Variants in DNAH17 observed in about 807,000 individuals in gnomAD.
DNAH17 encodes the protein axonemal beta dynein heavy chain 17.
Under a neutral mutation model 485.6 loss-of-function variants are expected in DNAH17, and 376 were observed. The observed-to-expected ratio is 0.77, with a 90% CI of 0.71 to 0.84. The LOEUF is 0.84. DNAH17 is among the 40% of genes least tolerant of loss of function. The pLI, the probability that DNAH17 is intolerant of heterozygous loss-of-function variation, is 0.00. For synonymous variants in DNAH17, 3,031 were observed against 2,405.9 expected (o/e 1.26, Z -7.60); for missense variants, 6,370 against 5,839.3 (o/e 1.09, Z -2.96).
chr17:78,563,280 G>A (rs912566236), intron 11 of DNAH17, among the ~76,000 whole-genome samples: 36 of 152,286 alleles, frequency 2.4e-4, no homozygotes, highest in African/African-American at 8.7e-4. Context: ...AGCAGCCGTG[G>A]ACTCTCAGGC....
chr17:78,478,014 T>C lies in DNAH17; in HGVS notation c.7992+1011A>G, dbSNP rs867275163. ...ATCACCACCACCATCATCACCATCA[T>C]CACCATCACCACCACCATCACACCA... On this transcript the variant is annotated intron_variant, in intron 51 of 80. Coordinates refer to ENST00000389840, the MANE Select transcript of DNAH17 (RefSeq NM_173628.4). 3.2e-3 allele frequency among the ~76,000 whole-genome samples: 367 copies of C among 115,928 alleles called. 6 individuals carry two copies. The highest frequency in any genetic ancestry group is 0.011 in the African/African-American group (327 of 28,904). 76.1% of individuals were successfully genotyped at this position (115,928 alleles called of 152,430 possible).
In DNAH17 at chr17:78,490,710, C is replaced by T. The variant is rs1467422216; in HGVS notation, c.6807G>A (p.Leu2269=). The T allele has an allele frequency of 6.2e-7, 1 of 1,607,634 alleles. No individual in the cohort carries two copies. Among genetic ancestry groups the T allele is most frequent in the Non-Finnish European group, 8.5e-7 (1 of 1,176,738 alleles). Reference sequence around the variant, plus strand: ...AAAGCCCCACTCACGGGTTCCATCCCAGGTCGGCTGGGTTGATGTAGAGGA... The same window carrying T: ...AAAGCCCCACTCACGGGTTCCATCCTAGGTCGGCTGGGTTGATGTAGAGGA... ...AGILYINPAD[L]GWNPVVSSWI... The change falls in exon 44 of 81, where the codon CTG becomes CTA. Residue 2269 remains leucine, a synonymous_variant. Transcript: ENST00000389840.
At chr17:78,543,811 C>A (rs915774209) in intron 17 of DNAH17, 46 bp downstream of exon 17, 1 of 1,613,648 alleles carries the variant, frequency 6.2e-7, no homozygotes, top group African/African-American at 1.3e-5. Context: ...CTCCTCCCTG[C>A]TAAAAGCAAG....
At chr17:78,510,277 G>C (rs899740495) in intron 27 of DNAH17, 107 bp downstream of exon 27, 45 of 1,515,530 alleles carry the variant, frequency 3.0e-5, no homozygotes, top group Non-Finnish European at 4.0e-5. Context: ...CAGACTTCCC[G>C]TGAGAGCCTT....
rs182109757 is a variant in DNAH17 at position 78,533,895 on chromosome 17, A to G, written c.2860-1159T>C. On this transcript the variant is annotated intron_variant, in intron 19 of 80. Coordinates refer to ENST00000389840, the MANE Select transcript of DNAH17 (RefSeq NM_173628.4). ...GAGGCGGGGTTTCACCGTGTTGGTC[A>G]GGCTGGTCTCAAACTCCTGACCTCA... Among the ~76,000 whole-genome samples the G allele has an allele frequency of 8.7e-4, 132 of 152,272 alleles. 1 individual carries two copies. Among genetic ancestry groups the G allele is most frequent in the African/African-American group, 3.0e-3 (124 of 41,546 alleles).
At chr17:78,466,626 C>G (rs547563192) in intron 56 of DNAH17, 29 bp downstream of exon 56, 2 of 1,585,884 alleles carry the variant, frequency 1.3e-6, no homozygotes, top group Non-Finnish European at 1.7e-6. Flanking sequence ...GGGCTCTACA[C>G]TCAGGCAGAG....
chr17:78,533,428 A>C (rs963595261), intron 19 of DNAH17, among the ~76,000 whole-genome samples: 3 of 152,146 alleles, frequency 2.0e-5, no homozygotes, highest in Non-Finnish European at 4.4e-5. Context: ...GGCAACAGCA[A>C]AGCACGTGCA....
At chr17:78,574,191 T>A (rs2092400970) in intron 2 of DNAH17, among the ~76,000 whole-genome samples, 1 of 152,154 alleles carries the variant, frequency 6.6e-6, no homozygotes, top group Non-Finnish European at 1.5e-5. Context: ...GGAGGTCTTG[T>A]TAGACAGCAG....
chr17:78,532,054 T>G (rs570904307), intron 20 of DNAH17, among the ~76,000 whole-genome samples: 5 of 152,310 alleles, frequency 3.3e-5, no homozygotes, highest in Admixed American at 2.0e-4. Context: ...GGGTTTTACC[T>G]TCTGGGCTGC....
In DNAH17 at chr17:78,426,603, A is replaced by G. The variant is rs1158426177; in HGVS notation, c.12772-3T>C. The G allele has an allele frequency of 6.2e-7, 1 of 1,601,478 alleles. No individual in the cohort carries two copies. The highest frequency in any genetic ancestry group is 8.5e-7 in the Non-Finnish European group (1 of 1,172,706). ...TCGGTCGTGATGGTCAGTTCTCCCT[A>G]GGAGACACACAGATGGGTGTGGGGA... On this transcript the variant is annotated splice_polypyrimidine_tract_variant and splice_region_variant and intron_variant, in intron 78 of 80. Transcript: ENST00000389840.
chr17:78,541,931 G>A (rs922131680), intron 17 of DNAH17, among the ~76,000 whole-genome samples: 1 of 152,068 alleles, frequency 6.6e-6, no homozygotes, highest in Non-Finnish European at 1.5e-5. Context: ...TGGGAACTGG[G>A]AATGAGGCAC....
Position 78,428,289 on chromosome 17 carries a change from A to G in DNAH17, c.12588+236T>C, listed in dbSNP as rs527452663. 4.7e-4 allele frequency: 270 copies of G among 574,286 alleles called. 2 individuals are homozygous for G. Among genetic ancestry groups the G allele is most frequent in the African/African-American group, 4.5e-3 (241 of 53,596 alleles). 35.6% of individuals were successfully genotyped at this position (574,286 alleles called of 1,614,324 possible). ...TCTTGGAGCCGCATCCACACCCCCA[A>G]GGATCCCTTTTGTCTGGGCCCGTAC... On this transcript the variant is annotated intron_variant, in intron 77 of 80. Transcript: ENST00000389840.
chr17:78,459,294 G>T, intron 60 of DNAH17, 86 bp from the exon 61 acceptor site: 1 of 1,319,364 alleles, frequency 7.6e-7, no homozygotes, highest in African/African-American at 1.4e-5. Flanking sequence ...CTTGCCCAGG[G>T]TGGCACAGCT....
Position 78,479,404 on chromosome 17 carries a change from C to T in DNAH17, c.7900+81G>A, listed in dbSNP as rs150873684. 77 of 1,434,522 alleles carry T rather than the reference C, an allele frequency of 5.4e-5. No individual in the cohort carries two copies. The East Asian group carries it at 1.8e-3, about 33-fold the overall frequency. 88.9% of individuals were successfully genotyped at this position (1,434,522 alleles called of 1,614,324 possible). A position where few individuals can be genotyped will look rare whatever the true frequency, so the allele number is the denominator to read the frequency against. ...TTAGAATTATAAATAAAATATTTATCAAGGGAAAATGTGAAGAACCATCAG... is the reference window on the plus strand; with the variant it reads ...TTAGAATTATAAATAAAATATTTATTAAGGGAAAATGTGAAGAACCATCAG... On this transcript the variant is annotated intron_variant, in intron 50 of 80. Coordinates refer to ENST00000389840, the MANE Select transcript of DNAH17 (RefSeq NM_173628.4).
intron 25 of DNAH17, among the ~76,000 whole-genome samples, chr17:78,518,896 T>C (rs934184527): frequency 6.6e-6 from 1 of 151,614 alleles, no homozygotes; most frequent in Non-Finnish European, 1.5e-5. Flanking sequence ...AGGCCAGGCG[T>C]GGTGGCTCAC....
At position 78,566,620 on chromosome 17, in the gene DNAH17, G is replaced by A. The variant is rs375422507; in HGVS notation, c.1563C>T (p.Ser521=). 62 of 1,603,562 alleles carry A rather than the reference G, an allele frequency of 3.9e-5. No individual in the cohort carries two copies. The highest frequency in any genetic ancestry group is 1.6e-4 in the South Asian group (14 of 89,066). ...GFDDCSCIKS[S]AKLLYMCGGL... Reference sequence around the variant, plus strand: ...GTCTCCACTGCATGCTTACCTTTGCGGAGGACTTGATACAGCTGCAGTCAT... The same window carrying A: ...GTCTCCACTGCATGCTTACCTTTGCAGAGGACTTGATACAGCTGCAGTCAT... The change falls in exon 11 of 81, where the codon TCC becomes TCT. Residue 521 remains serine (S), a synonymous_variant. Coordinates refer to ENST00000389840, the MANE Select transcript of DNAH17 (RefSeq NM_173628.4).
intron 73 of DNAH17, 58 bp downstream of exon 73, chr17:78,439,032 C>T (rs1375269389): frequency 1.9e-6 from 3 of 1,576,588 alleles, no homozygotes; most frequent in Admixed American, 1.9e-5. Flanking sequence ...TCTGGCCCAT[C>T]CCCATTGGCC....
intron 30 of DNAH17, among the ~76,000 whole-genome samples, chr17:78,505,699 T>C (rs1417223743): frequency 6.6e-6 from 1 of 152,090 alleles, no homozygotes; most frequent in Non-Finnish European, 1.5e-5. Context: ...TTCTTTTTGG[T>C]GGGGCATGGT....
chr17:78,432,019 AAAACAAAAAC>A (rs1165302274), intron 75 of DNAH17, among the ~76,000 whole-genome samples: 70 of 151,712 alleles, frequency 4.6e-4, no homozygotes, highest in Non-Finnish European at 9.1e-4. Context: ...AGAACAAAAC[AAAACAAAAAC>A]AAAAAAAACC....
Sources: gnomAD v4.1 joint callset for allele counts (sites outside exome capture counted in the v4.1 genomes callset) on GRCh38, gnomAD v4.1.1 for gene constraint, MANE v1.5 for transcripts, NCBI Gene and HGNC (gene_info 2026-07-23, HGNC 2026-07-21) for gene names.